CSMD1: variants seen among roughly 807,000 people sequenced by gnomAD.
CSMD1 encodes CUB and Sushi multiple domains 1.
In CSMD1, 213 loss-of-function variants were observed where a neutral mutation model predicts 417.5. The observed-to-expected ratio is 0.51, with a 90% CI of 0.46 to 0.57. The LOEUF (loss-of-function observed/expected upper bound fraction) is 0.57, where lower values mean the gene tolerates loss of function less well. CSMD1 is among the 20% of genes least tolerant of loss of function. The pLI, the probability that CSMD1 is intolerant of heterozygous loss-of-function variation, is 0.00. For synonymous variants in CSMD1, 2,862 were observed against 1,736.8 expected, an observed-to-expected ratio of 1.65 and a Z score of -16.11; for missense variants, 6,923 against 4,529.7, an observed-to-expected ratio of 1.53 and a Z score of -15.17.
chr8:3,365,456 T>G (rs1585057699), intron 20 of CSMD1, among the ~76,000 whole-genome samples: 1 of 152,334 alleles, frequency 6.6e-6, no homozygotes, highest in South Asian at 2.1e-4. Flanking sequence ...ATTGTGAAGT[T>G]CTTATTACAG....
chr8:3,583,793 A>G (rs1486009214), intron 9 of CSMD1, among the ~76,000 whole-genome samples: 2 of 152,116 alleles, frequency 1.3e-5, no homozygotes, highest in Admixed American at 1.3e-4. Context: ...CTGAAACCTC[A>G]GAGTGACTGT....
rs192723957 is a variant in CSMD1, at chr8:3,568,843, T to A, written c.1344+6102A>T. 6.2e-3 allele frequency among the ~76,000 whole-genome samples: 938 copies of A among 152,216 alleles called. 10 individuals are homozygous for A. Among genetic ancestry groups the A allele is most frequent in the Admixed American group, 9.0e-3 (138 of 15,266 alleles). The stretch of plus-strand genomic sequence containing the variant: ...CCAATGAAGACCCTGGGGATAAACT[T>A]TATAAAATTATTCAGTAGAAGGTAG... On this transcript the variant is annotated intron_variant, in intron 10 of 69. Transcript: ENST00000635120.
chr8:4,811,349 T>G (rs17071481), intron 1 of CSMD1, among the ~76,000 whole-genome samples: 9,062 of 152,238 alleles, frequency 0.06, 469 homozygotes, highest in East Asian at 0.25. Flanking sequence ...CAAACTACCT[T>G]GAGTATTGGC....
chr8:4,071,171 A>G (rs899910363), intron 3 of CSMD1, among the ~76,000 whole-genome samples: 1 of 151,816 alleles, frequency 6.6e-6, no homozygotes, highest in Non-Finnish European at 1.5e-5. Context: ...TACATTAAAG[A>G]TAGTTTCTCC....
intron 1 of CSMD1, among the ~76,000 whole-genome samples, chr8:4,957,505 ACTT>A (rs1809197534): frequency 6.6e-6 from 1 of 152,176 alleles, no homozygotes; most frequent in African/African-American, 2.4e-5. Context: ...AGAAATAACT[ACTT>A]CTTATCAACT....
At chr8:4,238,058 T>C (rs1320639270) in intron 3 of CSMD1, among the ~76,000 whole-genome samples, 1 of 152,126 alleles carries the variant, frequency 6.6e-6, no homozygotes, top group African/African-American at 2.4e-5. Flanking sequence ...TTTTCTACCC[T>C]AGGAGGCCTC....
intron 47 of CSMD1, among the ~76,000 whole-genome samples, chr8:3,094,392 A>G (rs2129009639): frequency 1.3e-5 from 2 of 152,348 alleles, no homozygotes; most frequent in Admixed American, 6.5e-5. Context: ...GGCGTGAGCC[A>G]CTAAGCCTGG....
chr8:4,225,329 T>G (rs771871734), intron 3 of CSMD1, among the ~76,000 whole-genome samples: 14 of 152,184 alleles, frequency 9.2e-5, no homozygotes, highest in Non-Finnish European at 1.8e-4. Context: ...AGACTTGATG[T>G]TATTTTAATT....
chr8:4,623,982 G>T (rs1296148373), intron 2 of CSMD1, among the ~76,000 whole-genome samples: 1 of 151,942 alleles, frequency 6.6e-6, no homozygotes, highest in Non-Finnish European at 1.5e-5. Flanking sequence ...GCACTTTATT[G>T]GTTACTAAAT....
At chr8:3,510,810 T>C (rs1278232365) in intron 10 of CSMD1, among the ~76,000 whole-genome samples, 2 of 151,886 alleles carry the variant, frequency 1.3e-5, no homozygotes, top group Non-Finnish European at 2.9e-5. Flanking sequence ...ATGTCTTCTT[T>C]TGAGAAGTAT....
chr8:3,629,133 G>C (rs548336201), intron 7 of CSMD1, among the ~76,000 whole-genome samples: 1 of 152,120 alleles, frequency 6.6e-6, no homozygotes, highest in African/African-American at 2.4e-5. Flanking sequence ...GGCATGACGT[G>C]AGCAAAGACA....
chr8:3,839,731 G>A (rs73172272), intron 5 of CSMD1, among the ~76,000 whole-genome samples: 22,044 of 149,876 alleles, frequency 0.15, 1,791 homozygotes, highest in Middle Eastern at 0.19. Flanking sequence ...AAAGCACTTC[G>A]CTTGCTGTTA....
chr8:4,031,034 T>A (rs181485310), intron 4 of CSMD1, among the ~76,000 whole-genome samples: 4 of 152,294 alleles, frequency 2.6e-5, no homozygotes, highest in African/African-American at 9.6e-5. Flanking sequence ...TCATTGTCCA[T>A]ATCATCAGCA....
At chr8:3,629,684 G>GAGAT (rs1376865955) in intron 7 of CSMD1, among the ~76,000 whole-genome samples, 1 of 152,106 alleles carries the variant, frequency 6.6e-6, no homozygotes. Flanking sequence ...AGAGATTACG[G>GAGAT]AGATAGAAAA....
chr8:4,371,891 C>T (rs1420275892), intron 3 of CSMD1, among the ~76,000 whole-genome samples: 1 of 152,144 alleles, frequency 6.6e-6, no homozygotes, highest in African/African-American at 2.4e-5. Context: ...GGAGGCCATG[C>T]AAGTTAAGAA....
chr8:3,682,343 A>C (rs1057255665), intron 7 of CSMD1, among the ~76,000 whole-genome samples: 8 of 152,184 alleles, frequency 5.3e-5, no homozygotes, highest in African/African-American at 1.4e-4. Flanking sequence ...ACAAATTTAC[A>C]AGAAAAAAAC....
intron 12 of CSMD1, among the ~76,000 whole-genome samples, chr8:3,447,525 G>A (rs1815377311): frequency 6.6e-6 from 1 of 152,180 alleles, no homozygotes; most frequent in African/African-American, 2.4e-5. Context: ...TTGTGCGGCT[G>A]GTGTGGGACA....
chr8:3,560,119 G>C (rs1212464263), intron 10 of CSMD1, among the ~76,000 whole-genome samples: 2 of 152,124 alleles, frequency 1.3e-5, no homozygotes, highest in African/African-American at 2.4e-5. Flanking sequence ...ATTCGAACTT[G>C]TAGTGCTGGG....
rs573890846 is a variant in CSMD1 at position 3,505,456 on chromosome 8, T to C, written c.1345-11730A>G. Among the ~76,000 whole-genome samples, 6 of 152,290 alleles carry C rather than the reference T, an allele frequency of 3.9e-5. No homozygotes were observed. In the South Asian group the frequency reaches 1.2e-3, roughly 32 times the overall value. ...TAGAAAAATAATGGAAGATACACTT[T>C]CACGACTGATTAAAGAGTTGAGAAG... On this transcript the variant is annotated intron_variant, in intron 10 of 69. Transcript: ENST00000635120.
Sources: gnomAD v4.1 joint callset for allele counts (sites outside exome capture counted in the v4.1 genomes callset) on GRCh38, gnomAD v4.1.1 for gene constraint, MANE v1.5 for transcripts, NCBI Gene and HGNC (gene_info 2026-07-23, HGNC 2026-07-21) for gene names.